The following RASEF variants were observed in gnomAD, a reference collection of about 807,000 sequenced individuals.
RASEF encodes RAS and EF-hand domain containing.
Under a neutral mutation model 90.1 loss-of-function variants are expected in RASEF, and 68 were observed. The ratio of observed to expected loss-of-function variants is 0.75; its 90% CI spans 0.62 to 0.92. RASEF has a LOEUF of 0.92. Among genes scored for constraint, RASEF ranks in the 40% least tolerant of loss-of-function variants. RASEF has a pLI of 0.00. For synonymous variants in RASEF, 331 were observed against 345.2 expected (o/e 0.96, Z 0.46); for missense variants, 949 against 937.2 (o/e 1.01, Z -0.16).
chr9:82,981,550 C>T lies in RASEF; in HGVS notation c.*1127G>A, dbSNP rs147844783. On this transcript the variant is annotated 3_prime_UTR_variant, in exon 17 of 17. Coordinates refer to ENST00000376447, the MANE Select transcript of RASEF (RefSeq NM_152573.4). ...GGAAGGTTTGAAATCAGCAGGGATACGAAAATGAAAATTTTGCAAAATGTT... is the reference window on the plus strand; with the variant it reads ...GGAAGGTTTGAAATCAGCAGGGATATGAAAATGAAAATTTTGCAAAATGTT... 5.9e-5 allele frequency: 9 copies of T among 152,080 alleles called. No homozygotes were observed. Among genetic ancestry groups the T allele is most frequent in the East Asian group, 1.9e-4 (1 of 5,204 alleles). 9.4% of individuals were successfully genotyped at this position (152,080 alleles called of 1,614,324 possible). A position where few individuals can be genotyped will look rare whatever the true frequency, so the allele number is the denominator to read the frequency against.
the RASEF span, among the ~76,000 whole-genome samples, chr9:83,212,605 C>G: frequency 6.6e-6 from 1 of 152,200 alleles, no homozygotes; most frequent in Non-Finnish European, 1.5e-5. Context: ...CTCTTTGGAC[C>G]TCTGCGCTTC....
the RASEF span, among the ~76,000 whole-genome samples, chr9:83,071,589 A>G: frequency 6.6e-6 from 1 of 152,040 alleles, no homozygotes; most frequent in Non-Finnish European, 1.5e-5. Context: ...ATATTTTTGT[A>G]GAGATGGGGG....
In RASEF at chr9:82,992,974, T is replaced by C. The variant is rs199922078; in HGVS notation, c.1972A>G (p.Ile658Val). 3.1e-6 allele frequency: 5 copies of C among 1,614,056 alleles called. No homozygotes were observed. The highest frequency in any genetic ancestry group is 4.2e-6 in the Non-Finnish European group (5 of 1,179,972). Residue 658 changes from isoleucine (I) to valine (V), a missense_variant, in exon 15 of 17, where the codon ATT (isoleucine) becomes GTT (valine). Physicochemically the swap from Ile to Val is conservative, Grantham distance 29. Transcript: ENST00000376447. ...CCCTCTGTAGCAGCAGTGTCACGAA[T>C]GTCAGCCTTGTTTCCTACCAGCATA... ...PIMLVGNKAD[I>V]RDTAATEGQK...
At chr9:83,095,233 C>A in the RASEF span, among the ~76,000 whole-genome samples, 1 of 151,930 alleles carries the variant, frequency 6.6e-6, no homozygotes, top group South Asian at 2.1e-4. Flanking sequence ...AGTCTTGATA[C>A]CTCAGTCTTG....
chr9:83,196,707 G>A, the RASEF span, among the ~76,000 whole-genome samples: 1 of 152,178 alleles, frequency 6.6e-6, no homozygotes, highest in Non-Finnish European at 1.5e-5. Flanking sequence ...CTCCTTGTCT[G>A]ACTGTCTGAC....
chr9:83,044,911 A>C (rs910385373), intron 1 of RASEF, among the ~76,000 whole-genome samples: 3 of 152,130 alleles, frequency 2.0e-5, no homozygotes, highest in African/African-American at 7.2e-5. Flanking sequence ...TAAAGACCTT[A>C]ACAGAACAAA....
rs557086482 is a variant in RASEF at position 83,020,152 on chromosome 9, T to A, written c.669+2184A>T. Among the ~76,000 whole-genome samples the A allele has an allele frequency of 2.1e-4, 32 of 152,362 alleles. No individual in the cohort carries two copies. The South Asian group carries it at 6.6e-3, about 32-fold the overall frequency. On this transcript the variant is annotated intron_variant, in intron 3 of 16. Transcript: ENST00000376447. ...CTGAAGTAATGCAATATATGCTATA[T>A]ATGCCATAGGAGTCAAGGACAGGAA...
At chr9:83,163,845 A>T in the RASEF span, among the ~76,000 whole-genome samples, 1 of 152,132 alleles carries the variant, frequency 6.6e-6, no homozygotes, top group Non-Finnish European at 1.5e-5. Flanking sequence ...GTAATGTCAT[A>T]ACAAATTACA....
At chr9:82,988,742 C>T (rs1231646900) in intron 16 of RASEF, among the ~76,000 whole-genome samples, 1 of 152,142 alleles carries the variant, frequency 6.6e-6, no homozygotes, top group Non-Finnish European at 1.5e-5. Context: ...TAAACGCTCC[C>T]TGAGATCTCA....
intron 14 of RASEF, 123 bp from the exon 15 acceptor site, chr9:82,993,148 G>T: frequency 1.1e-6 from 1 of 917,170 alleles, no homozygotes; most frequent in East Asian, 2.6e-5. Context: ...ATCCTATATA[G>T]AGGATATCTT....
At chr9:83,078,747 C>T in the RASEF span, among the ~76,000 whole-genome samples, 1 of 151,724 alleles carries the variant, frequency 6.6e-6, no homozygotes, top group East Asian at 1.9e-4. Flanking sequence ...AGCTATAGTA[C>T]TAGGAGTTTC....
intron 1 of RASEF, chr9:83,055,233 G>A: frequency 3.7e-6 from 1 of 269,884 alleles, no homozygotes; most frequent in East Asian, 1.1e-4. Flanking sequence ...CCAGGTGTGG[G>A]ATATAGTCTT....
chr9:83,163,342 C>T, the RASEF span, among the ~76,000 whole-genome samples: 36 of 152,242 alleles, frequency 2.4e-4, no homozygotes, highest in East Asian at 1.7e-3. Flanking sequence ...CAAGAAAAAA[C>T]GACAAGACTT....
chr9:82,998,767 A>AT (rs1828969709), intron 12 of RASEF, among the ~76,000 whole-genome samples: 1 of 151,818 alleles, frequency 6.6e-6, no homozygotes, highest in Non-Finnish European at 1.5e-5. Flanking sequence ...GTGTGTGTAC[A>AT]TGTGTGTATG....
the RASEF span, among the ~76,000 whole-genome samples, chr9:83,208,632 G>A: frequency 6.6e-6 from 1 of 152,076 alleles, no homozygotes; most frequent in Non-Finnish European, 1.5e-5. Flanking sequence ...CTTTTAGCAG[G>A]GGGCATGGCA....
chr9:83,036,527 C>G (rs1829744253), intron 1 of RASEF, among the ~76,000 whole-genome samples: 1 of 152,170 alleles, frequency 6.6e-6, no homozygotes, highest in Non-Finnish European at 1.5e-5. Flanking sequence ...AAGTGTATAT[C>G]TAGTTATTTT....
chr9:83,193,721 G>A, the RASEF span, among the ~76,000 whole-genome samples: 123,674 of 152,104 alleles, frequency 0.81, 50,429 homozygotes, highest in South Asian at 0.88. Context: ...ATCTTTGAAA[G>A]TAAGGACAGA....
the RASEF span, among the ~76,000 whole-genome samples, chr9:83,204,980 CA>C: frequency 6.6e-6 from 1 of 152,158 alleles, no homozygotes; most frequent in African/African-American, 2.4e-5. Context: ...TTACAGATGT[CA>C]AAACTAAATC....
chr9:83,103,821 G>A, the RASEF span, among the ~76,000 whole-genome samples: 1 of 152,042 alleles, frequency 6.6e-6, no homozygotes, highest in East Asian at 1.9e-4. Flanking sequence ...GGCTAATATT[G>A]ACTTAGGTTA....
Sources: allele counts gnomAD v4.1 joint callset (sites outside exome capture counted in the v4.1 genomes callset), GRCh38; gene constraint gnomAD v4.1.1; transcripts MANE v1.5; gene names NCBI Gene and HGNC (gene_info 2026-07-23, HGNC 2026-07-21).